Variants in MICALL2 observed in about 807,000 individuals in gnomAD.
MICALL2 encodes MICAL-like protein 2.
MICALL2 carries 111 observed loss-of-function variants against 91.1 expected under a neutral mutation model. That is an observed-to-expected ratio of 1.22 (90% CI 1.04 to 1.43). The LOEUF is 1.43. Among genes scored for constraint, MICALL2 ranks in the 40% most tolerant of loss-of-function variants. The pLI, the probability that MICALL2 is intolerant of heterozygous loss-of-function variation, is 0.00. For synonymous variants in MICALL2, 694 were observed against 525.3 expected, an observed-to-expected ratio of 1.32 and a Z score of -4.39; for missense variants, 1,556 against 1,236.0, an observed-to-expected ratio of 1.26 and a Z score of -3.88.
In MICALL2 at chr7:1,451,003, C is replaced by G. The variant is rs1478102217; in HGVS notation, c.144-715G>C. ...TGCCCCAGGTCACACAGCGGGGAGA[C>G]AGCTGCCAAGCCCACTGAGGTTACA... is the stretch of plus-strand genomic sequence containing the variant. On this transcript the variant is annotated intron_variant, in intron 1 of 16. Transcript: ENST00000297508. The surrounding 1 kb of genome is among the most constrained non-coding windows in gnomAD (Gnocchi z 4.5). Among the ~76,000 whole-genome samples the G allele has an allele frequency of 1.3e-5, 2 of 152,222 alleles. No individual in the cohort carries two copies. The highest frequency in any genetic ancestry group is 4.8e-5 in the African/African-American group (2 of 41,450).
At chr7:1,453,579 C>T (rs187470226) in intron 1 of MICALL2, among the ~76,000 whole-genome samples, 1 of 152,094 alleles carries the variant, frequency 6.6e-6, no homozygotes, top group South Asian at 2.1e-4. Flanking sequence ...CCTTGCCGGA[C>T]AAAAATGCAT....
chr7:1,434,619 T>A lies in MICALL2; in HGVS notation c.2692A>T (p.Ser898Cys). 6.3e-7 allele frequency: 1 copy of A among 1,589,418 alleles called. No homozygotes were observed. Among genetic ancestry groups the A allele is most frequent in the Non-Finnish European group, 8.5e-7 (1 of 1,171,964 alleles). The change falls in exon 17 of 17, where the codon AGC becomes TGC. Residue 898 changes from serine to cysteine, a missense_variant. Coordinates refer to ENST00000297508, the MANE Select transcript of MICALL2 (RefSeq NM_182924.4). ...FRLSKIWSPK[S>C]KSSPSQ ...TACTACTGGGAGGGGCTGCTTTTGCTTTTTGGTGACCAGATCTTGGACAAG... is the reference window on the plus strand; with the variant it reads ...TACTACTGGGAGGGGCTGCTTTTGCATTTTGGTGACCAGATCTTGGACAAG...
chr7:1,440,141 C>G (rs1459077844), intron 8 of MICALL2, 56 bp from the exon 9 acceptor site: 2 of 1,555,052 alleles, frequency 1.3e-6, no homozygotes, highest in Non-Finnish European at 1.7e-6. Flanking sequence ...GCCTGGCCCA[C>G]CTGGAGGGGC....
At chr7:1,450,746 G>A (rs113555813) in intron 1 of MICALL2, among the ~76,000 whole-genome samples, 85 of 152,312 alleles carry the variant, frequency 5.6e-4, no homozygotes, top group African/African-American at 1.9e-3. Context: ...GGCAGGGGAC[G>A]GCACCATATG....
At chr7:1,441,617 G>A (rs1355358505) in intron 7 of MICALL2, 2 of 158,748 alleles carry the variant, frequency 1.3e-5, no homozygotes, top group African/African-American at 4.8e-5. Context: ...CACCACCGGG[G>A]GGGACGGAGC....
rs1055808418 is a variant in MICALL2 at position 1,434,667 on chromosome 7, G to A, written c.2644C>T (p.Gln882Ter). Residue 882 changes from glutamine to a stop codon, truncating the protein, a stop_gained, in exon 17 of 17, where the codon CAG becomes TAG. Transcript: ENST00000297508. LOFTEE classifies it high-confidence loss of function. ...LRDMIEKLGL[Q>*]RKKSKFRLSK... ...AAGCGGAACTTGGACTTCTTCCTCT[G>A]GAGGCCTAGGGGACAGGTGGACAGT... The A allele has an allele frequency of 1.9e-6, 3 of 1,558,828 alleles. No individual in the cohort carries two copies. Among genetic ancestry groups the A allele is most frequent in the African/African-American group, 1.4e-5 (1 of 72,474 alleles).
chr7:1,436,652 G>T, intron 15 of MICALL2, 90 bp downstream of exon 15: 1 of 938,874 alleles, frequency 1.1e-6, no homozygotes. Flanking sequence ...TGGTCAGAAA[G>T]TTCTACGGGG....
intron 15 of MICALL2, 26 bp from the exon 16 acceptor site, chr7:1,435,173 G>C: frequency 1.2e-6 from 2 of 1,612,590 alleles, no homozygotes; most frequent in South Asian, 2.2e-5. Context: ...ATGGCCATGA[G>C]CGACAATGGC....
chr7:1,446,578 G>A (rs1351492013), intron 5 of MICALL2, 135 bp downstream of exon 5: 16 of 600,756 alleles, frequency 2.7e-5, no homozygotes, highest in Non-Finnish European at 4.5e-5. Flanking sequence ...GGGGGAGGGG[G>A]GAGGAGGGGA....
intron 1 of MICALL2, among the ~76,000 whole-genome samples, chr7:1,453,806 C>T (rs920303470): frequency 2.6e-5 from 4 of 152,198 alleles, no homozygotes; most frequent in Non-Finnish European, 5.9e-5. Flanking sequence ...AGACACACAC[C>T]GTGGGCCAGG....
At chr7:1,450,145 G>T (rs2128524409) in intron 2 of MICALL2, 95 bp downstream of exon 2, 1 of 933,776 alleles carries the variant, frequency 1.1e-6, no homozygotes, top group Non-Finnish European at 1.7e-6. Context: ...CAAGGCAGGT[G>T]CAGGGCCTGG....
At chr7:1,449,792 G>A (rs1434970677) in intron 2 of MICALL2, among the ~76,000 whole-genome samples, 3 of 152,242 alleles carry the variant, frequency 2.0e-5, no homozygotes, top group Non-Finnish European at 4.4e-5. Flanking sequence ...CACAGGGAAG[G>A]GCCTGGAAGC....
Position 1,445,117 on chromosome 7 carries a change from C to G in MICALL2, c.953G>C (p.Ser318Thr), listed in dbSNP as rs967105550. ...ATSATSVHVR[S>T]PARPSESRLA... is the part of the protein sequence containing the mutation. ...GCGGCTCTCAGAGGGCCTGGCTGGG[C>G]TCCTCACGTGGACGGACGTGGCGCT... The change falls in exon 6 of 17, where the codon AGC becomes ACC. Residue 318 changes from serine (S) to threonine (T), a missense_variant. Transcript: ENST00000297508. The G allele has an allele frequency of 6.4e-7, 1 of 1,557,264 alleles. No homozygotes were observed. The highest frequency in any genetic ancestry group is 8.7e-7 in the Non-Finnish European group (1 of 1,151,522).
Position 1,444,803 on chromosome 7 carries a change from T to C in MICALL2, c.1267A>G (p.Thr423Ala), listed in dbSNP as rs149283087. The C allele has an allele frequency of 7.0e-5, 112 of 1,611,070 alleles. No individual in the cohort carries two copies. The African/African-American group carries it at 1.3e-3, about 19-fold the overall frequency. The change falls in exon 6 of 17, where the codon ACA (threonine) becomes GCA (alanine). Residue 423 changes from threonine (T) to alanine (A), a missense_variant. By Grantham distance (58) the Thr-to-Ala change is moderately conservative. Transcript: ENST00000297508. ...TQQARNKFFQTSAVPPGTSLS... is the reference protein window; with the variant it reads ...TQQARNKFFQASAVPPGTSLS... ...CTGGTGCCGGGGGGCACTGCTGATGTTTGGAAAAACTTATTCCGGGCCTGC... is the reference window on the plus strand; with the variant it reads ...CTGGTGCCGGGGGGCACTGCTGATGCTTGGAAAAACTTATTCCGGGCCTGC...
rs1214572419 is a variant in MICALL2 at position 1,444,655 on chromosome 7, C to G, written c.1415G>C (p.Gly472Ala). The change falls in exon 6 of 17, where the codon GGC becomes GCC. Residue 472 changes from glycine to alanine, a missense_variant. By Grantham distance (60) the Gly-to-Ala change is moderately conservative. Coordinates refer to ENST00000297508, the MANE Select transcript of MICALL2 (RefSeq NM_182924.4). ...CCCTCGGTCCCCACGCGCTCACCTG[C>G]CAGGCGCCGGAGCGCCAGCCTCTTC... is the stretch of plus-strand genomic sequence containing the variant. ...ALEEAGAPAP[G>A]RPSPATAAVP... is the part of the protein sequence containing the mutation. 1.2e-6 allele frequency: 2 copies of G among 1,609,214 alleles called. No individual in the cohort carries two copies. Among genetic ancestry groups the G allele is most frequent in the Admixed American group, 3.3e-5 (2 of 59,894 alleles).
At chr7:1,456,544 C>T (rs1245941655) in intron 1 of MICALL2, among the ~76,000 whole-genome samples, 1 of 152,128 alleles carries the variant, frequency 6.6e-6, no homozygotes, top group Non-Finnish European at 1.5e-5. Context: ...TGAGATCGCA[C>T]CACTGCACTC....
intron 5 of MICALL2, 86 bp from the exon 6 acceptor site, chr7:1,445,514 C>T (rs1452719062): frequency 6.9e-6 from 9 of 1,298,768 alleles, no homozygotes; most frequent in East Asian, 2.5e-5. Context: ...GCAGGCATTG[C>T]GGACTCCTGT....
intron 10 of MICALL2, 160 bp downstream of exon 10, chr7:1,438,680 G>GAGGGCGGGCCTGGGGCAC: frequency 6.9e-7 from 1 of 1,455,436 alleles, no homozygotes; most frequent in Non-Finnish European, 9.0e-7. Flanking sequence ...CTCTATTCAT[G>GAGGGCGGGCCTGGGGCAC]AGGGCGGGCC....
chr7:1,454,941 G>C (rs1214671912), intron 1 of MICALL2, among the ~76,000 whole-genome samples: 2 of 152,308 alleles, frequency 1.3e-5, no homozygotes, highest in South Asian at 4.1e-4. Flanking sequence ...GAGCTGCAGG[G>C]ACCAGGAAAA....
Sources: gnomAD v4.1 joint callset for allele counts (sites outside exome capture counted in the v4.1 genomes callset) on GRCh38, gnomAD v4.1.1 for gene constraint, Gnocchi (gnomAD v3.1) non-coding constraint, MANE v1.5 for transcripts, NCBI Gene and HGNC (gene_info 2026-07-23, HGNC 2026-07-21) for gene names.